The following TSPAN15 variants were observed in gnomAD, a reference collection of about 807,000 sequenced individuals.
The protein encoded by TSPAN15 is tetraspanin 15.
A neutral mutation model predicts 34.5 loss-of-function variants in TSPAN15; 20 were observed. The ratio of observed to expected loss-of-function variants is 0.58; its 90% CI spans 0.41 to 0.84. The LOEUF (loss-of-function observed/expected upper bound fraction) is 0.84, where lower values mean the gene tolerates loss of function less well. Ranked by LOEUF, TSPAN15 falls within the 40% of genes least tolerant of loss-of-function variation. TSPAN15 has a pLI of 0.00. For missense variants in TSPAN15, 313 were observed against 386.1 expected, an observed-to-expected ratio of 0.81 and a Z score of 1.59; for synonymous variants, 155 against 153.9, an observed-to-expected ratio of 1.01 and a Z score of -0.05.
At chr10:69,543,664 G>T in the TSPAN15 span, among the ~76,000 whole-genome samples, 1 of 152,124 alleles carries the variant, frequency 6.6e-6, no homozygotes, top group Non-Finnish European at 1.5e-5. Flanking sequence ...CACAGCGCTG[G>T]GCCCTGCTTG....
chr10:69,519,275 C>T, the TSPAN15 span, among the ~76,000 whole-genome samples: 1 of 152,042 alleles, frequency 6.6e-6, no homozygotes, highest in Non-Finnish European at 1.5e-5. Flanking sequence ...AAAAAACTAT[C>T]TGGCCGTGGT....
At position 69,507,657 on chromosome 10, in the gene TSPAN15, T is replaced by G. The variant is rs1165177745; in HGVS notation, c.*679T>G. Reference sequence around the variant, plus strand: ...AATCAAACAATAAAAACATGTTTTTTTTTTTTTTTTTTTTTTGCCTTTCCT... The same window carrying G: ...AATCAAACAATAAAAACATGTTTTTGTTTTTTTTTTTTTTTTGCCTTTCCT... On this transcript the variant is annotated 3_prime_UTR_variant, in exon 8 of 8. Transcript: ENST00000373290. 8,107 of 1,067,752 alleles carry G rather than the reference T, an allele frequency of 7.6e-3. 5 individuals are homozygous for G. Among genetic ancestry groups the G allele is most frequent in the Admixed American group, 0.01 (309 of 29,850 alleles). The allele number at this position is 1,067,752 out of a possible 1,614,324, so 66.1% of individuals were successfully genotyped here.
chr10:69,543,307 C>T, the TSPAN15 span, among the ~76,000 whole-genome samples: 14 of 152,316 alleles, frequency 9.2e-5, no homozygotes, highest in South Asian at 2.1e-4. Context: ...CAGTCTATCT[C>T]GGTCTGCTTT....
At chr10:69,539,467 A>G in the TSPAN15 span, among the ~76,000 whole-genome samples, 56 of 54,548 alleles carry the variant, frequency 1.0e-3, 4 homozygotes, top group East Asian at 0.018. Context: ...GAAGAAGGAG[A>G]AGGAGAAGGA....
At chr10:69,461,929 C>A (rs1037134835) in intron 1 of TSPAN15, among the ~76,000 whole-genome samples, 3 of 150,342 alleles carry the variant, frequency 2.0e-5, no homozygotes, top group African/African-American at 7.4e-5. Context: ...GCCACCACCC[C>A]CCCCATCACC....
At chr10:69,524,783 CTTT>C in the TSPAN15 span, among the ~76,000 whole-genome samples, 88 of 136,994 alleles carry the variant, frequency 6.4e-4, 5 homozygotes, top group Middle Eastern at 0.011. Context: ...ATATATGCAT[CTTT>C]TTTTTTTTTT....
the TSPAN15 span, among the ~76,000 whole-genome samples, chr10:69,536,096 G>A: frequency 6.6e-6 from 1 of 152,134 alleles, no homozygotes; most frequent in Non-Finnish European, 1.5e-5. Flanking sequence ...CACCTTTTTG[G>A]GAATAAAAAT....
the TSPAN15 span, among the ~76,000 whole-genome samples, chr10:69,527,317 C>T: frequency 0.022 from 3,198 of 147,378 alleles, 302 homozygotes; most frequent in African/African-American, 0.073. Flanking sequence ...GAAAGTTGGC[C>T]GGGCACAGTG....
At chr10:69,531,897 C>T in the TSPAN15 span, among the ~76,000 whole-genome samples, 1 of 151,322 alleles carries the variant, frequency 6.6e-6, no homozygotes, top group Non-Finnish European at 1.5e-5. Flanking sequence ...AGAACTCAAC[C>T]CCTTTTACAT....
intron 3 of TSPAN15, among the ~76,000 whole-genome samples, chr10:69,493,950 G>A (rs1162102921): frequency 2.6e-5 from 4 of 152,232 alleles, no homozygotes; most frequent in Admixed American, 1.3e-4. Flanking sequence ...TGAGCAGAGC[G>A]AGGCTCGGGG....
At chr10:69,476,686 C>T (rs979344218) in intron 1 of TSPAN15, among the ~76,000 whole-genome samples, 5 of 152,086 alleles carry the variant, frequency 3.3e-5, no homozygotes, top group African/African-American at 1.2e-4. Flanking sequence ...AAGTCCTGTC[C>T]AGAGTCAAGG....
At chr10:69,530,056 T>C in the TSPAN15 span, among the ~76,000 whole-genome samples, 1 of 147,982 alleles carries the variant, frequency 6.8e-6, no homozygotes, top group Non-Finnish European at 1.5e-5. Context: ...TTCCATGGTG[T>C]GTGTGTGTTT....
chr10:69,521,293 T>C, the TSPAN15 span, among the ~76,000 whole-genome samples: 32 of 150,510 alleles, frequency 2.1e-4, 1 homozygote, highest in South Asian at 6.7e-3. Context: ...GCAGATCATG[T>C]GAGGTCAGGA....
chr10:69,545,179 C>G, the TSPAN15 span, among the ~76,000 whole-genome samples: 1 of 152,184 alleles, frequency 6.6e-6, no homozygotes. Flanking sequence ...TCCTCACTCC[C>G]CCTTTACCCC....
intron 2 of TSPAN15, 141 bp from the exon 3 acceptor site, chr10:69,485,000 G>A (rs1841820429): frequency 3.9e-6 from 3 of 766,398 alleles, no homozygotes; most frequent in Non-Finnish European, 4.6e-6. Context: ...CAGGAGGAGG[G>A]GGCAGAGGCC....
At chr10:69,487,205 A>G (rs1344442418) in intron 3 of TSPAN15, among the ~76,000 whole-genome samples, 1 of 152,136 alleles carries the variant, frequency 6.6e-6, no homozygotes, top group Non-Finnish European at 1.5e-5. Flanking sequence ...TTCTGCTGCT[A>G]GGCATGGCTT....
At chr10:69,487,406 C>A (rs1841877221) in intron 3 of TSPAN15, among the ~76,000 whole-genome samples, 1 of 151,644 alleles carries the variant, frequency 6.6e-6, no homozygotes, top group Non-Finnish European at 1.5e-5. Flanking sequence ...TTTGTCAGAG[C>A]CTCTCTTCTG....
chr10:69,544,767 C>T, the TSPAN15 span, among the ~76,000 whole-genome samples: 2 of 152,152 alleles, frequency 1.3e-5, no homozygotes, highest in Admixed American at 1.3e-4. Context: ...AAGATAATGG[C>T]AGTTCCAGGG....
At chr10:69,536,292 GTATTATATTGT>G in the TSPAN15 span, among the ~76,000 whole-genome samples, 3 of 152,168 alleles carry the variant, frequency 2.0e-5, no homozygotes, top group Non-Finnish European at 4.4e-5. Context: ...CATTTGACCA[GTATTATATTGT>G]CATGTAAGAG....
Sources: gnomAD v4.1 joint callset for allele counts (sites outside exome capture counted in the v4.1 genomes callset) on GRCh38, gnomAD v4.1.1 for gene constraint, MANE v1.5 for transcripts, NCBI Gene and HGNC (gene_info 2026-07-23, HGNC 2026-07-21) for gene names.